The following WDR33 variants were observed in gnomAD, a reference collection of about 807,000 sequenced individuals.
WDR33 encodes pre-mRNA 3' end processing protein WDR33.
Under a neutral mutation model 164.9 loss-of-function variants are expected in WDR33, and 47 were observed. That is an observed-to-expected ratio of 0.29 (90% CI 0.23 to 0.36). The LOEUF is 0.36. Ranked by LOEUF, WDR33 falls within the 10% of genes least tolerant of loss-of-function variation. WDR33 has a pLI of 1.00. For missense variants in WDR33, 1,137 were observed against 1,754.1 expected (o/e 0.65, Z 6.28); for synonymous variants, 505 against 589.0 (o/e 0.86, Z 2.06).
intron 21 of WDR33, among the ~76,000 whole-genome samples, chr2:127,707,109 C>A (rs1183500218): frequency 1.3e-5 from 2 of 151,892 alleles, no homozygotes; most frequent in Non-Finnish European, 2.9e-5. Flanking sequence ...AAAAACCCCA[C>A]AAAACACTGG....
intron 1 of WDR33, among the ~76,000 whole-genome samples, chr2:127,805,664 G>C (rs1186948314): frequency 2.0e-5 from 3 of 152,038 alleles, no homozygotes; most frequent in Non-Finnish European, 4.4e-5. Context: ...CAAAAAGCAG[G>C]CCAAGAAGAT....
chr2:127,782,221 A>G (rs1328414847), intron 1 of WDR33, among the ~76,000 whole-genome samples: 1 of 152,110 alleles, frequency 6.6e-6, no homozygotes, highest in African/African-American at 2.4e-5. Context: ...AGCCTGACCA[A>G]CATGGTGACA....
At chr2:127,792,720 T>G (rs1462068502) in intron 1 of WDR33, among the ~76,000 whole-genome samples, 1 of 151,852 alleles carries the variant, frequency 6.6e-6, no homozygotes, top group Non-Finnish European at 1.5e-5. Context: ...TCATGAGAGA[T>G]AGTAAAACTT....
Position 127,701,950 on chromosome 2 carries a change from C to G in WDR33, c.*4373G>C, listed in dbSNP as rs760573967. On this transcript the variant is annotated 3_prime_UTR_variant, in exon 22 of 22. Transcript: ENST00000322313. Reference sequence around the variant, plus strand: ...GGACGCCTGCTGCGCTGCGAAGAAGCGCCGTCCCGGCCCGCGCTGCTCTAC... The same window carrying G: ...GGACGCCTGCTGCGCTGCGAAGAAGGGCCGTCCCGGCCCGCGCTGCTCTAC... The G allele has an allele frequency of 5.0e-6, 7 of 1,408,342 alleles. No homozygotes were observed. The South Asian group carries it at 1.0e-4, about 20-fold the overall frequency. The allele number at this position is 1,408,342 out of a possible 1,614,324, so 87.2% of individuals were successfully genotyped here.
intron 1 of WDR33, among the ~76,000 whole-genome samples, chr2:127,781,488 C>A (rs1225193886): frequency 1.3e-5 from 2 of 152,162 alleles, no homozygotes; most frequent in Non-Finnish European, 2.9e-5. Flanking sequence ...TAAATAAGAT[C>A]TGCAGACCAT....
intron 7 of WDR33, among the ~76,000 whole-genome samples, chr2:127,744,571 C>A (rs539312441): frequency 2.9e-4 from 44 of 152,294 alleles, no homozygotes; most frequent in African/African-American, 9.9e-4. Flanking sequence ...CAAGCTTCAA[C>A]AGAACAGTGC....
At chr2:127,786,643 C>T (rs1688584119) in intron 1 of WDR33, among the ~76,000 whole-genome samples, 1 of 152,158 alleles carries the variant, frequency 6.6e-6, no homozygotes, top group South Asian at 2.1e-4. Context: ...AAGATTGCGT[C>T]ACTGCACTCC....
At chr2:127,803,075 TAAAC>T (rs1157425945) in intron 1 of WDR33, among the ~76,000 whole-genome samples, 1 of 151,920 alleles carries the variant, frequency 6.6e-6, no homozygotes. Context: ...ATAATCAAAA[TAAAC>T]AAATTCAACA....
chr2:127,750,318 G>A (rs748548337), intron 7 of WDR33, among the ~76,000 whole-genome samples: 11 of 151,674 alleles, frequency 7.3e-5, no homozygotes, highest in East Asian at 3.9e-4. Flanking sequence ...ATGAGCCACC[G>A]CACCCAGCTG....
intron 1 of WDR33, among the ~76,000 whole-genome samples, chr2:127,778,543 C>G (rs959427417): frequency 6.6e-6 from 1 of 151,978 alleles, no homozygotes; most frequent in South Asian, 2.1e-4. Flanking sequence ...ATTCTGTTCT[C>G]AAGAGTCTGA....
In WDR33 at chr2:127,703,350, CTT is replaced by C. The variant is rs1190932719; in HGVS notation, c.*2971_*2972del. ...CTACGTTCCCCAAGTTTGAGGACCA[CTT>C]TTCTGTGCATTGGCTTGCACAATTT... On this transcript the variant is annotated 3_prime_UTR_variant, in exon 22 of 22. Coordinates refer to ENST00000322313, the MANE Select transcript of WDR33 (RefSeq NM_018383.5). The C allele has an allele frequency of 6.0e-6, 1 of 167,080 alleles. No individual in the cohort carries two copies. The highest frequency in any genetic ancestry group is 3.1e-3 in the Middle Eastern group (1 of 318). 10.3% of individuals were successfully genotyped at this position (167,080 alleles called of 1,614,324 possible). A position where few individuals can be genotyped will look rare whatever the true frequency, so the allele number is the denominator to read the frequency against.
chr2:127,732,713 C>T (rs1268232654), intron 7 of WDR33, among the ~76,000 whole-genome samples: 2 of 152,128 alleles, frequency 1.3e-5, no homozygotes, highest in African/African-American at 2.4e-5. Flanking sequence ...AGCAGGGATG[C>T]AGCTTTTCAC....
At position 127,710,975 on chromosome 2, in the gene WDR33, T is replaced by C. The variant is rs902895549; in HGVS notation, c.3309-1119A>G. ...CTCACAAACATGTTTTCTAAACCAT[T>C]TGAAAATCAGTTGCCAACACGAGCT... On this transcript the variant is annotated intron_variant, in intron 18 of 21. Transcript: ENST00000322313. This position sits in a 1 kb window ranked among gnomAD's most constrained non-coding sequence, Gnocchi z 4.4. 3.3e-5 allele frequency among the ~76,000 whole-genome samples: 5 copies of C among 152,364 alleles called. No homozygotes were observed. Among genetic ancestry groups the C allele is most frequent in the African/African-American group, 9.6e-5 (4 of 41,592 alleles).
chr2:127,707,991 G>A (rs192914194), intron 21 of WDR33, among the ~76,000 whole-genome samples: 69 of 152,290 alleles, frequency 4.5e-4, no homozygotes, highest in Middle Eastern at 3.4e-3. Context: ...TGGAAGGACC[G>A]TCCATACAGA....
chr2:127,801,333 T>C (rs552705454), intron 1 of WDR33, among the ~76,000 whole-genome samples: 1 of 151,604 alleles, frequency 6.6e-6, no homozygotes, highest in South Asian at 2.1e-4. Context: ...GGTAAGAACA[T>C]GAAGAAATTG....
Position 127,724,434 on chromosome 2 carries a change from C to T in WDR33, c.1095G>A (p.Lys365=). The change falls in exon 11 of 22, where the codon AAG becomes AAA. Residue 365 remains lysine (K), a synonymous_variant. Transcript: ENST00000322313. The surrounding 1 kb of genome is among the most constrained non-coding windows in gnomAD (Gnocchi z 4.8). ...GAGCCATCTCCATCCCACCCACTTCCTTCTCTACCCTGCAACAGCACCAAA... is the reference window on the plus strand; with the variant it reads ...GAGCCATCTCCATCCCACCCACTTCTTTCTCTACCCTGCAACAGCACCAAA... The part of the protein sequence containing the change: ...SLLFWHVGVE[K]EVGGMEMAHE... 3.1e-6 allele frequency: 5 copies of T among 1,614,070 alleles called. No homozygotes were observed. Among genetic ancestry groups the T allele is most frequent in the Non-Finnish European group, 4.2e-6 (5 of 1,179,940 alleles).
intron 1 of WDR33, among the ~76,000 whole-genome samples, chr2:127,786,087 G>A (rs76028207): frequency 0.027 from 4,094 of 152,238 alleles, 202 homozygotes; most frequent in African/African-American, 0.093. Context: ...AGCCTGAAGT[G>A]CAGTAGCACA....
chr2:127,800,791 A>G (rs932409250), intron 1 of WDR33, among the ~76,000 whole-genome samples: 2 of 152,218 alleles, frequency 1.3e-5, no homozygotes, highest in Admixed American at 1.3e-4. Flanking sequence ...ATTCCTGTAT[A>G]TGAAACTGAA....
chr2:127,724,869 C>A lies in WDR33; in HGVS notation c.1085+18G>T. The A allele has an allele frequency of 6.2e-7, 1 of 1,613,512 alleles. No homozygotes were observed. Among genetic ancestry groups the A allele is most frequent in the South Asian group, 1.1e-5 (1 of 91,056 alleles). ...CTCTTCACAAAATACACTACTTTTT[C>A]ACATAAATCTTACATACCCAACATG... On this transcript the variant is annotated intron_variant, in intron 10 of 21. Transcript: ENST00000322313. The surrounding 1 kb of genome is among the most constrained non-coding windows in gnomAD (Gnocchi z 4.8).
Sources: gnomAD v4.1 joint callset for allele counts (sites outside exome capture counted in the v4.1 genomes callset) on GRCh38, gnomAD v4.1.1 for gene constraint, Gnocchi (gnomAD v3.1) non-coding constraint, MANE v1.5 for transcripts, NCBI Gene and HGNC (gene_info 2026-07-23, HGNC 2026-07-21) for gene names.